Variants in BEND6 observed in about 807,000 individuals in gnomAD.
BEND6 encodes the protein BEN domain containing 6, also known as BEN domain-containing protein 6.
A neutral mutation model predicts 31.8 loss-of-function variants in BEND6; 24 were observed. The ratio of observed to expected loss-of-function variants is 0.75; its 90% CI spans 0.55 to 1.06. The LOEUF is 1.06. BEND6 is among the 50% of genes least tolerant of loss of function. The pLI, the probability that BEND6 is intolerant of heterozygous loss-of-function variation, is 0.00. For missense variants in BEND6, 294 were observed against 327.4 expected (o/e 0.90, Z 0.79); for synonymous variants, 109 against 114.6 (o/e 0.95, Z 0.31).
chr6:56,991,756 T>G (rs189982584), intron 2 of BEND6, among the ~76,000 whole-genome samples: 10 of 152,228 alleles, frequency 6.6e-5, no homozygotes, highest in African/African-American at 2.4e-4. Context: ...TATCACACAA[T>G]GAACACACCC....
At chr6:57,020,958 CT>C (rs1338092376) in intron 6 of BEND6, among the ~76,000 whole-genome samples, 5 of 151,224 alleles carry the variant, frequency 3.3e-5, no homozygotes, top group African/African-American at 1.2e-4. Context: ...ATCAGTTTTG[CT>C]TGTACTTAAC....
intron 2 of BEND6, among the ~76,000 whole-genome samples, chr6:56,990,252 T>C (rs976605403): frequency 2.1e-5 from 3 of 141,554 alleles, no homozygotes; most frequent in Non-Finnish European, 3.1e-5. Context: ...CTCGCTTCTT[T>C]TTTTTTTTTT....
At chr6:57,002,183 C>A (rs1486515200) in intron 3 of BEND6, among the ~76,000 whole-genome samples, 2 of 152,158 alleles carry the variant, frequency 1.3e-5, no homozygotes, top group Admixed American at 6.5e-5. Context: ...TATATATGCA[C>A]CCAGCATTGG....
intron 3 of BEND6, among the ~76,000 whole-genome samples, chr6:57,005,354 C>T (rs542122571): frequency 4.6e-5 from 7 of 152,158 alleles, no homozygotes; most frequent in Middle Eastern, 3.4e-3. Context: ...TAAAACTCAA[C>T]TGAGAAATTT....
At chr6:56,973,361 C>A (rs1440543454) in intron 1 of BEND6, among the ~76,000 whole-genome samples, 2 of 152,086 alleles carry the variant, frequency 1.3e-5, no homozygotes, top group Non-Finnish European at 2.9e-5. Flanking sequence ...AAGTAGTGCT[C>A]CCTTATCCAC....
At chr6:57,004,784 T>C (rs1827093234) in intron 3 of BEND6, 1 of 953,898 alleles carries the variant, frequency 1.0e-6, no homozygotes, top group Non-Finnish European at 1.7e-6. Context: ...GTGAAATCCA[T>C]CAAAGAATTG....
intron 1 of BEND6, among the ~76,000 whole-genome samples, chr6:56,960,436 T>TA (rs907487791): frequency 1.3e-5 from 2 of 152,118 alleles, no homozygotes; most frequent in African/African-American, 4.8e-5. Context: ...AGTAAAAAGA[T>TA]AAAAAAGTAA....
At chr6:56,976,356 C>T (rs568817483) in intron 1 of BEND6, among the ~76,000 whole-genome samples, 12 of 151,236 alleles carry the variant, frequency 7.9e-5, no homozygotes, top group South Asian at 2.1e-4. Context: ...CCACCATGCC[C>T]GGCTAATTTT....
At chr6:56,989,873 G>A (rs1222283768) in intron 2 of BEND6, among the ~76,000 whole-genome samples, 1 of 152,010 alleles carries the variant, frequency 6.6e-6, no homozygotes, top group Non-Finnish European at 1.5e-5. Context: ...TTTCTTTAAT[G>A]TGCCTTAATG....
chr6:56,988,758 G>T (rs1045392964), intron 2 of BEND6, among the ~76,000 whole-genome samples: 1 of 152,136 alleles, frequency 6.6e-6, no homozygotes, highest in Non-Finnish European at 1.5e-5. Context: ...GCTGGGCGTG[G>T]TGGCTCATGC....
chr6:57,014,413 C>G, intron 3 of BEND6: 1 of 1,216,436 alleles, frequency 8.2e-7, no homozygotes, highest in Non-Finnish European at 1.1e-6. Context: ...CTGAATTAGA[C>G]AAGGTTCAAG....
chr6:56,988,892 AT>A (rs1219875418), intron 2 of BEND6, among the ~76,000 whole-genome samples: 1 of 152,064 alleles, frequency 6.6e-6, no homozygotes, highest in Non-Finnish European at 1.5e-5. Flanking sequence ...TTAGCTGGGC[AT>A]GCTGGCGCGT....
intron 1 of BEND6, among the ~76,000 whole-genome samples, chr6:56,973,410 A>G (rs934245851): frequency 6.6e-6 from 1 of 152,206 alleles, no homozygotes; most frequent in African/African-American, 2.4e-5. Context: ...TGCCTGAAAC[A>G]GTGGGTTGTA....
chr6:57,019,167 T>C (rs940283271), intron 6 of BEND6, among the ~76,000 whole-genome samples: 6 of 152,242 alleles, frequency 3.9e-5, no homozygotes, highest in Admixed American at 6.5e-5. Flanking sequence ...ATGCATGTCC[T>C]ATACTAAGAA....
intron 6 of BEND6, among the ~76,000 whole-genome samples, chr6:57,022,159 TTTTTC>T (rs1291723116): frequency 3.3e-4 from 47 of 141,592 alleles, no homozygotes; most frequent in Admixed American, 4.8e-4. Flanking sequence ...TCTTTTTTTC[TTTTTC>T]TTTTTTTTTT....
At chr6:57,004,234 A>G (rs1277151684) in intron 3 of BEND6, among the ~76,000 whole-genome samples, 1 of 152,204 alleles carries the variant, frequency 6.6e-6, no homozygotes, top group African/African-American at 2.4e-5. Context: ...AAGTCAAGCT[A>G]TCTCTCTTTG....
At chr6:56,996,902 G>A (rs536114124) in intron 3 of BEND6, among the ~76,000 whole-genome samples, 1 of 152,250 alleles carries the variant, frequency 6.6e-6, no homozygotes, top group African/African-American at 2.4e-5. Flanking sequence ...TTGTTCCTAT[G>A]AGGTCTATTC....
intron 3 of BEND6, among the ~76,000 whole-genome samples, chr6:57,012,419 G>T (rs1414237771): frequency 6.6e-6 from 1 of 152,204 alleles, no homozygotes; most frequent in Non-Finnish European, 1.5e-5. Flanking sequence ...TAAGTCCAAG[G>T]ATTGATTTAG....
intron 1 of BEND6, among the ~76,000 whole-genome samples, chr6:56,971,507 ATATGGTAATTT>A (rs1238658568): frequency 1.3e-5 from 2 of 152,186 alleles, no homozygotes; most frequent in African/African-American, 4.8e-5. Flanking sequence ...TTGCTGGATC[ATATGGTAATTT>A]TATTTTTAAT....
Sources: gnomAD v4.1 joint callset for allele counts (sites outside exome capture counted in the v4.1 genomes callset) on GRCh38, gnomAD v4.1.1 for gene constraint, MANE v1.5 for transcripts, NCBI Gene and HGNC (gene_info 2026-07-23, HGNC 2026-07-21) for gene names.